The following RHD variants were observed in gnomAD, a reference collection of about 807,000 sequenced individuals.
The protein encoded by RHD is Rh blood group D antigen, also known as blood group Rh(D) polypeptide.
In RHD, 16 loss-of-function variants were observed where a neutral mutation model predicts 45.5. That is an observed-to-expected ratio of 0.35 (90% CI 0.24 to 0.53). The LOEUF (loss-of-function observed/expected upper bound fraction) is 0.53. Among genes scored for constraint, RHD ranks in the 20% least tolerant of loss-of-function variants. The pLI, the probability that RHD is intolerant of heterozygous loss-of-function variation, is 0.92. For synonymous variants in RHD, 131 were observed against 217.5 expected, an observed-to-expected ratio of 0.60 and a Z score of 3.50; for missense variants, 306 against 532.0, an observed-to-expected ratio of 0.58 and a Z score of 4.18.
At chr1:25,314,473 C>G (rs539640290) in intron 7 of RHD, among the ~76,000 whole-genome samples, 1 of 132,068 alleles carries the variant, frequency 7.6e-6, no homozygotes, top group African/African-American at 2.6e-5. Context: ...ATATGAATCC[C>G]ACTTTGTGCG....
At chr1:25,274,734 A>G (rs1228020703) in intron 1 of RHD, among the ~76,000 whole-genome samples, 1 of 134,000 alleles carries the variant, frequency 7.5e-6, no homozygotes, top group African/African-American at 2.5e-5. Flanking sequence ...GGGCCGGGCG[A>G]CGTGGCTCAC....
intron 3 of RHD, among the ~76,000 whole-genome samples, chr1:25,291,982 AG>A (rs1430795901): frequency 7.5e-6 from 1 of 132,618 alleles, no homozygotes; most frequent in African/African-American, 2.6e-5. Flanking sequence ...CTGGCTTAGA[AG>A]AAAGTGCACT....
chr1:25,291,305 C>A (rs1642483704), intron 3 of RHD, among the ~76,000 whole-genome samples: 1 of 129,832 alleles, frequency 7.7e-6, no homozygotes, highest in African/African-American at 2.6e-5. Flanking sequence ...CTCATCTCTA[C>A]TAAAAATACA....
In RHD at chr1:25,319,930, C is replaced by T. The variant is rs149999545; in HGVS notation, c.1154-1959C>T. Among the ~76,000 whole-genome samples, 5 of 130,820 alleles carry T rather than the reference C, an allele frequency of 3.8e-5. No individual in the cohort carries two copies. In the East Asian group the frequency reaches 9.8e-4, roughly 26 times the overall value. The allele number at this position is 130,820 out of a possible 152,430, so 85.8% of individuals were successfully genotyped here. A position where few individuals can be genotyped will look rare whatever the true frequency, so the allele number is the denominator to read the frequency against. ...TTTTCTTTTTTTAGACGCAGTTTTG[C>T]TCTTGTTGCCCAGGCTGGAGTGCAA... is the stretch of plus-strand genomic sequence containing the variant. On this transcript the variant is annotated intron_variant, in intron 8 of 9. Coordinates refer to ENST00000328664, the MANE Select transcript of RHD (RefSeq NM_016124.6).
rs71014352 is a variant in RHD, at chr1:25,329,237, G to GTTTTTTTTTTTTTTTTTTTTTTTTTTT, written c.*338_*339insTTTTTTTTTTTTTTTTTTTTTTTTTTT. 1 of 192,408 alleles carries GTTTTTTTTTTTTTTTTTTTTTTTTTTT rather than the reference G, an allele frequency of 5.2e-6. No homozygotes were observed. Among genetic ancestry groups the GTTTTTTTTTTTTTTTTTTTTTTTTTTT allele is most frequent in the African/African-American group, 4.7e-5 (1 of 21,216 alleles). 11.9% of individuals were successfully genotyped at this position (192,408 alleles called of 1,614,324 possible). Reference sequence around the variant, plus strand: ...TAAGGTTAATTTATTATTATTCCTTGTTTTTTTTTTTTTTTTTTTTTTTTT... The same window carrying GTTTTTTTTTTTTTTTTTTTTTTTTTTT: ...TAAGGTTAATTTATTATTATTCCTTGTTTTTTTTTTTTTTTTTTTTTTTTTTTTTTTTTTTTTTTTTTTTTTTTTTTT... On this transcript the variant is annotated 3_prime_UTR_variant, in exon 10 of 10. Coordinates refer to ENST00000328664, the MANE Select transcript of RHD (RefSeq NM_016124.6).
At position 25,303,490 on chromosome 1, in the gene RHD, T is replaced by A. The variant is rs369072224; in HGVS notation, c.939+31T>A. Reference sequence around the variant, plus strand: ...AAACTAGACAACTAACCTCCTCTGCTTTGGCTGAAGGCCAGCAGGACGCTG... The same window carrying A: ...AAACTAGACAACTAACCTCCTCTGCATTGGCTGAAGGCCAGCAGGACGCTG... On this transcript the variant is annotated intron_variant, in intron 6 of 9. Transcript: ENST00000328664. 14 of 1,377,754 alleles carry A rather than the reference T, an allele frequency of 1.0e-5. 1 individual carries two copies. The African/African-American group carries it at 2.0e-4, about 20-fold the overall frequency. 85.3% of individuals were successfully genotyped at this position (1,377,754 alleles called of 1,614,324 possible). A position where few individuals can be genotyped will look rare whatever the true frequency, so the allele number is the denominator to read the frequency against.
chr1:25,306,971 G>A lies in RHD; in HGVS notation c.1073+242G>A, dbSNP rs373088752. 5.3e-4 allele frequency: 243 copies of A among 456,440 alleles called. 39 individuals carry two copies. The highest frequency in any genetic ancestry group is 4.0e-3 in the African/African-American group (198 of 49,600). 28.3% of individuals were successfully genotyped at this position (456,440 alleles called of 1,614,324 possible). On this transcript the variant is annotated intron_variant, in intron 7 of 9. Coordinates refer to ENST00000328664, the MANE Select transcript of RHD (RefSeq NM_016124.6). ...CCACCTAGGTATAGACCAAAGACAC[G>A]AAATCTTTTGTGATCCCACAAACAC... is the stretch of plus-strand genomic sequence containing the variant.
chr1:25,301,521 C>T lies in RHD; in HGVS notation c.636C>T (p.Gly212=), dbSNP rs1012525481. The change falls in exon 5 of 10, where the codon GGC becomes GGT. Residue 212 remains glycine (G), a splice_region_variant and synonymous_variant. Transcript: ENST00000328664. The part of the protein sequence containing the change: ...ATIPSLSAML[G]ALFLWMFWPS... ...CCAACCACCCTCTCTGGCCCCCAGG[C>T]GCCCTCTTCTTGTGGATGTTCTGGC... 2.2e-6 allele frequency: 3 copies of T among 1,378,046 alleles called. No individual in the cohort carries two copies. The allele number at this position is 1,378,046 out of a possible 1,614,324, so 85.4% of individuals were successfully genotyped here. A position where few individuals can be genotyped will look rare whatever the true frequency, so the allele number is the denominator to read the frequency against.
chr1:25,309,396 A>G (rs1571705217), intron 7 of RHD, among the ~76,000 whole-genome samples: 1 of 131,622 alleles, frequency 7.6e-6, no homozygotes, highest in East Asian at 2.0e-4. Context: ...ACTCTTTTGA[A>G]TAGCAGAGAA....
intron 7 of RHD, among the ~76,000 whole-genome samples, chr1:25,312,759 A>C (rs1392214248): frequency 1.7e-5 from 2 of 117,128 alleles, no homozygotes; most frequent in Admixed American, 1.7e-4. Context: ...CTACAAATAA[A>C]ATTAAATAAA....
chr1:25,310,207 T>C (rs1201691207), intron 7 of RHD, among the ~76,000 whole-genome samples: 1 of 133,350 alleles, frequency 7.5e-6, no homozygotes, highest in African/African-American at 2.5e-5. Context: ...GTCCCCCAAA[T>C]TTCATGTGCT....
At chr1:25,276,532 T>TACAAAAAAAAAAAAA (rs1640997280) in intron 1 of RHD, among the ~76,000 whole-genome samples, 1 of 64,786 alleles carries the variant, frequency 1.5e-5, no homozygotes, top group African/African-American at 7.2e-5. Context: ...CCCCCATCTC[T>TACAAAAAAAAAAAAA]AAAAAAAAAA....
At chr1:25,322,659 C>G (rs1161048566) in intron 9 of RHD, among the ~76,000 whole-genome samples, 2 of 127,370 alleles carry the variant, frequency 1.6e-5, no homozygotes, top group African/African-American at 2.7e-5. Context: ...GGTGACAGAG[C>G]GAGACTTTGC....
In RHD at chr1:25,295,915, T is replaced by G. The variant is rs374799343; in HGVS notation, c.487-5031T>G. Among the ~76,000 whole-genome samples, 302 of 114,748 alleles carry G rather than the reference T, an allele frequency of 2.6e-3. 26 individuals are homozygous for G. The highest frequency in any genetic ancestry group is 0.019 in the South Asian group (69 of 3,690). 75.3% of individuals were successfully genotyped at this position (114,748 alleles called of 152,430 possible). ...TTCGCTGTTGTCATCCAGGCTGGATTGCAATGTTGCAATCTTGGCTCACTG... is the reference window on the plus strand; with the variant it reads ...TTCGCTGTTGTCATCCAGGCTGGATGGCAATGTTGCAATCTTGGCTCACTG... On this transcript the variant is annotated intron_variant, in intron 3 of 9. Transcript: ENST00000328664.
intron 2 of RHD, among the ~76,000 whole-genome samples, chr1:25,286,151 C>T (rs532787313): frequency 8.1e-5 from 11 of 135,182 alleles, no homozygotes; most frequent in African/African-American, 2.3e-4. Flanking sequence ...AGCCAGCTCC[C>T]GATTGGCCCT....
chr1:25,277,104 C>T (rs1485170489), intron 1 of RHD, among the ~76,000 whole-genome samples: 2 of 132,024 alleles, frequency 1.5e-5, no homozygotes, highest in Non-Finnish European at 3.6e-5. Flanking sequence ...AACATAAAAC[C>T]CTGCCATTAG....
Position 25,295,855 on chromosome 1 carries a change from T to TTTG in RHD, c.486+5066_486+5067insGTT, listed in dbSNP as rs1390426209. On this transcript the variant is annotated intron_variant, in intron 3 of 9. Transcript: ENST00000328664. ...TCTGGGAGGGAATATGGGAAATTTTTTTTTTTTTTTTTTTTTTTTTTTTTG... is the reference window on the plus strand; with the variant it reads ...TCTGGGAGGGAATATGGGAAATTTTTTTGTTTTTTTTTTTTTTTTTTTTTTTTG... Among the ~76,000 whole-genome samples, 7 of 41,606 alleles carry TTTG rather than the reference T, an allele frequency of 1.7e-4. 3 individuals carry two copies. The highest frequency in any genetic ancestry group is 4.1e-4 in the Admixed American group (2 of 4,912). The allele number at this position is 41,606 out of a possible 152,430, so 27.3% of individuals were successfully genotyped here.
In RHD at chr1:25,307,901, C is replaced by T; in HGVS notation, c.1073+1172C>T. ...TGATGGGTTCCAGTGATGTGTCTGC[C>T]ACTGTCTTAATAACTGTGCAATTCT... On this transcript the variant is annotated intron_variant, in intron 7 of 9. Transcript: ENST00000328664. 3.8e-6 allele frequency: 4 copies of T among 1,066,442 alleles called. 1 individual carries two copies. The highest frequency in any genetic ancestry group is 5.5e-6 in the Non-Finnish European group (4 of 732,788). The allele number at this position is 1,066,442 out of a possible 1,614,324, so 66.1% of individuals were successfully genotyped here. A position where few individuals can be genotyped will look rare whatever the true frequency, so the allele number is the denominator to read the frequency against.
At chr1:25,275,067 ATCACCTGAGG>A (rs1390152878) in intron 1 of RHD, among the ~76,000 whole-genome samples, 1 of 132,356 alleles carries the variant, frequency 7.6e-6, no homozygotes, top group East Asian at 2.0e-4. Context: ...AGGCAGGCAG[ATCACCTGAGG>A]TCAGGAGTTC....
Sources: gnomAD v4.1 joint callset for allele counts (sites outside exome capture counted in the v4.1 genomes callset) on GRCh38, gnomAD v4.1.1 for gene constraint, MANE v1.5 for transcripts, NCBI Gene and HGNC (gene_info 2026-07-23, HGNC 2026-07-21) for gene names.